AHSG: variants seen among roughly 807,000 people sequenced by gnomAD.
The protein encoded by AHSG is alpha 2-HS glycoprotein, also known as alpha-2-HS-glycoprotein.
AHSG carries 23 observed loss-of-function variants against 30.1 expected under a neutral mutation model. The ratio of observed to expected loss-of-function variants is 0.76; its 90% CI spans 0.55 to 1.08. AHSG has a LOEUF of 1.08. Among genes scored for constraint, AHSG ranks in the 50% least tolerant of loss-of-function variants. The pLI, the probability that AHSG is intolerant of heterozygous loss-of-function variation, is 0.00. For missense variants in AHSG, 469 were observed against 459.5 expected, an observed-to-expected ratio of 1.02 and a Z score of -0.19; for synonymous variants, 164 against 186.3, an observed-to-expected ratio of 0.88 and a Z score of 0.98.
chr3:186,620,019 G>A, intron 6 of AHSG, 79 bp downstream of exon 6: 2 of 1,070,308 alleles, frequency 1.9e-6, no homozygotes, highest in Non-Finnish European at 2.7e-6. Context: ...CAGTAGTGAT[G>A]ACAGGACATT....
At chr3:186,613,376 G>A (rs1279966455) in intron 1 of AHSG, 22 bp downstream of exon 1, 2 of 1,590,492 alleles carry the variant, frequency 1.3e-6, no homozygotes, top group Non-Finnish European at 8.6e-7. Context: ...TGCTGTCTAT[G>A]AGCTGAAATA....
At chr3:186,620,552 G>A (rs193283773) in intron 6 of AHSG, 34 bp from the exon 7 acceptor site, 2 of 1,548,538 alleles carry the variant, frequency 1.3e-6, no homozygotes, top group African/African-American at 2.7e-5. Flanking sequence ...GGAGGAGGAA[G>A]CAAACTAACT....
At chr3:186,617,118 A>G (rs1716326221) in intron 3 of AHSG, 69 bp from the exon 4 acceptor site, 1 of 1,550,798 alleles carries the variant, frequency 6.4e-7, no homozygotes, top group Non-Finnish European at 8.7e-7. Flanking sequence ...AGCCCTTGCT[A>G]ACGCAGCAGA....
At position 186,617,181 on chromosome 3, in the gene AHSG, G is replaced by A. The variant is rs950376001; in HGVS notation, c.410-6G>A. The A allele has an allele frequency of 1.2e-6, 2 of 1,606,910 alleles. No individual in the cohort carries two copies. Among genetic ancestry groups the A allele is most frequent in the South Asian group, 2.2e-5 (2 of 90,240 alleles). ...GCCCACATCCTGGTTTCCTCTCTCC[G>A]AGCAGACTCAGCCGAGGACGTGCGC... On this transcript the variant is annotated splice_polypyrimidine_tract_variant and splice_region_variant and intron_variant, in intron 3 of 6. Transcript: ENST00000411641.
rs751721045 is a variant in AHSG, at chr3:186,619,982, C to A, written c.759+42C>A. On this transcript the variant is annotated intron_variant, in intron 6 of 6. Transcript: ENST00000411641. ...TATTCTTGCCTACACCTTCAGAATA[C>A]AATGACCCCTTCACATTTATGCAGT... 7.5e-6 allele frequency: 11 copies of A among 1,473,236 alleles called. No homozygotes were observed. In the African/African-American group the frequency reaches 1.4e-4, roughly 19 times the overall value. 91.3% of individuals were successfully genotyped at this position (1,473,236 alleles called of 1,614,324 possible). A position where few individuals can be genotyped will look rare whatever the true frequency, so the allele number is the denominator to read the frequency against.
At chr3:186,618,692 C>T in intron 5 of AHSG, 55 bp downstream of exon 5, 1 of 1,596,706 alleles carries the variant, frequency 6.3e-7, no homozygotes, top group African/African-American at 1.3e-5. Context: ...GTTTGTGGAA[C>T]AGAACATCCT....
intron 1 of AHSG, among the ~76,000 whole-genome samples, chr3:186,615,199 AGAGG>A (rs1326714495): frequency 1.3e-5 from 2 of 151,944 alleles, no homozygotes. Context: ...AGAAAGAAGG[AGAGG>A]GAGGGATAGA....
chr3:186,613,260 C>A lies in AHSG; in HGVS notation c.119C>A (p.Ala40Glu). The change falls in exon 1 of 7, where the codon GCA (alanine) becomes GAA (glutamate). Residue 40 changes from alanine to glutamate, a missense_variant. Ala to Glu is a moderately radical substitution (Grantham distance 107). Coordinates refer to ENST00000411641, the MANE Select transcript of AHSG (RefSeq NM_001622.4). ...PNCDDPETEEAALVAIDYINQ... is the reference protein window; with the variant it reads ...PNCDDPETEEEALVAIDYINQ... The stretch of plus-strand genomic sequence containing the variant: ...TGCGATGATCCAGAAACTGAGGAAG[C>A]AGCTCTGGTGGCTATAGACTACATC... The A allele has an allele frequency of 6.2e-7, 1 of 1,614,188 alleles. No homozygotes were observed. The highest frequency in any genetic ancestry group is 8.5e-7 in the Non-Finnish European group (1 of 1,180,020).
chr3:186,619,777 T>G (rs1716419432), intron 5 of AHSG, 80 bp from the exon 6 acceptor site: 2 of 1,170,408 alleles, frequency 1.7e-6, no homozygotes, highest in East Asian at 4.7e-5. Context: ...TCAAACTAAT[T>G]TAAGGTTGGC....
intron 1 of AHSG, among the ~76,000 whole-genome samples, chr3:186,613,650 G>C (rs1291615777): frequency 2.0e-5 from 3 of 152,148 alleles, no homozygotes; most frequent in Non-Finnish European, 2.9e-5. Context: ...GAAAAACTAG[G>C]ACCCAAGAGA....
At chr3:186,616,746 G>A (rs949946518) in intron 3 of AHSG, among the ~76,000 whole-genome samples, 2 of 152,156 alleles carry the variant, frequency 1.3e-5, no homozygotes, top group Admixed American at 1.3e-4. Context: ...GAGGCAGGTG[G>A]ATCACCTGAA....
In AHSG at chr3:186,621,234, GA is replaced by G. The variant is rs1716486246; in HGVS notation, c.*307del. Reference sequence around the variant, plus strand: ...CAAAAACCATTGGAACTGTGACTTTGAAAGGTGCTCTTGCTAAGCTTATATG... The same window carrying G: ...CAAAAACCATTGGAACTGTGACTTTGAAGGTGCTCTTGCTAAGCTTATATG... On this transcript the variant is annotated 3_prime_UTR_variant, in exon 7 of 7. Coordinates refer to ENST00000411641, the MANE Select transcript of AHSG (RefSeq NM_001622.4). 2.7e-6 allele frequency: 1 copy of G among 364,078 alleles called. No homozygotes were observed. Among genetic ancestry groups the G allele is most frequent in the East Asian group, 5.1e-5 (1 of 19,688 alleles). The allele number at this position is 364,078 out of a possible 1,614,324, so 22.6% of individuals were successfully genotyped here. A position where few individuals can be genotyped will look rare whatever the true frequency, so the allele number is the denominator to read the frequency against.
chr3:186,615,588 G>A (rs1224413891), intron 1 of AHSG, 97 bp from the exon 2 acceptor site: 5 of 893,380 alleles, frequency 5.6e-6, no homozygotes, highest in Non-Finnish European at 9.3e-6. Context: ...CTCTCCAAAA[G>A]CGGGGTGCTC....
At position 186,620,801 on chromosome 3, in the gene AHSG, A is replaced by T. The variant is rs1160436978; in HGVS notation, c.975A>T (p.Ser325=). 1 of 1,613,814 alleles carries T rather than the reference A, an allele frequency of 6.2e-7. No homozygotes were observed. Among genetic ancestry groups the T allele is most frequent in the Non-Finnish European group, 8.5e-7 (1 of 1,179,858 alleles). ...DLRHTFMGVV[S]LGSPSGEVSH... The stretch of plus-strand genomic sequence containing the variant: ...GCCACACCTTCATGGGTGTGGTCTC[A>T]TTGGGGTCACCCTCAGGAGAAGTGT... Residue 325 remains serine (S), a synonymous_variant, in exon 7 of 7, where the codon TCA becomes TCT. Coordinates refer to ENST00000411641, the MANE Select transcript of AHSG (RefSeq NM_001622.4).
intron 5 of AHSG, among the ~76,000 whole-genome samples, chr3:186,619,188 T>A (rs1716401288): frequency 6.6e-6 from 1 of 152,090 alleles, no homozygotes. Context: ...TCCCAGCTAC[T>A]CGGGAGGCTG....
At position 186,620,817 on chromosome 3, in the gene AHSG, G is replaced by A; in HGVS notation, c.991G>A (p.Gly331Arg). Reference sequence around the variant, plus strand: ...TGTGGTCTCATTGGGGTCACCCTCAGGAGAAGTGTCGCACCCCCGGAAAAC... The same window carrying A: ...TGTGGTCTCATTGGGGTCACCCTCAAGAGAAGTGTCGCACCCCCGGAAAAC... ...MGVVSLGSPS[G>R]EVSHPRKTRT... The change falls in exon 7 of 7, where the codon GGA becomes AGA. Residue 331 changes from glycine (G) to arginine (R), a missense_variant. Coordinates refer to ENST00000411641, the MANE Select transcript of AHSG (RefSeq NM_001622.4). 1 of 1,614,194 alleles carries A rather than the reference G, an allele frequency of 6.2e-7. No individual in the cohort carries two copies. Among genetic ancestry groups the A allele is most frequent in the Non-Finnish European group, 8.5e-7 (1 of 1,180,040 alleles).
chr3:186,614,476 C>T (rs1282548192), intron 1 of AHSG, among the ~76,000 whole-genome samples: 2 of 152,216 alleles, frequency 1.3e-5, no homozygotes, highest in Non-Finnish European at 2.9e-5. Flanking sequence ...CGACTGCCAT[C>T]CGTCTCACAA....
In AHSG at chr3:186,619,950, C is replaced by G; in HGVS notation, c.759+10C>G. The G allele has an allele frequency of 6.9e-6, 11 of 1,601,978 alleles. No homozygotes were observed. Among genetic ancestry groups the G allele is most frequent in the Middle Eastern group, 1.7e-4 (1 of 6,000 alleles). Reference sequence around the variant, plus strand: ...GGTGTTCCAAACACAGGTAACAGCTCCGTGAATATTCTTGCCTACACCTTC... The same window carrying G: ...GGTGTTCCAAACACAGGTAACAGCTGCGTGAATATTCTTGCCTACACCTTC... On this transcript the variant is annotated intron_variant, in intron 6 of 6. Coordinates refer to ENST00000411641, the MANE Select transcript of AHSG (RefSeq NM_001622.4).
rs1716303644 is a variant in AHSG at position 186,616,342 on chromosome 3, G to A, written c.325-101G>A. 3 of 782,340 alleles carry A rather than the reference G, an allele frequency of 3.8e-6. No homozygotes were observed. The East Asian group carries it at 8.1e-5, about 21-fold the overall frequency. 48.5% of individuals were successfully genotyped at this position (782,340 alleles called of 1,614,324 possible). ...CATGTTTCAGTATTACCCAGCAAAG[G>A]CGATTTTGCAAGGGTCACCTTTGAC... On this transcript the variant is annotated intron_variant, in intron 2 of 6. Transcript: ENST00000411641.
Sources: allele counts gnomAD v4.1 joint callset (sites outside exome capture counted in the v4.1 genomes callset), GRCh38; gene constraint gnomAD v4.1.1; transcripts MANE v1.5; gene names NCBI Gene and HGNC (gene_info 2026-07-23, HGNC 2026-07-21).